The following CCDC122 variants were observed in gnomAD, a reference collection of about 807,000 sequenced individuals.
CCDC122 encodes coiled-coil domain containing 122, also known as coiled-coil domain-containing protein 122.
CCDC122 carries 38 observed loss-of-function variants against 37.0 expected under a neutral mutation model. The ratio of observed to expected loss-of-function variants is 1.03; its 90% CI spans 0.79 to 1.35. CCDC122 has a LOEUF of 1.35. CCDC122 is among the 40% of genes most tolerant of loss of function. The probability of loss-of-function intolerance (pLI) is 0.00; values close to 1 mark genes in which losing one functional copy is unlikely to be tolerated. For missense variants in CCDC122, 305 were observed against 310.0 expected (o/e 0.98, Z 0.12); for synonymous variants, 83 against 95.6 (o/e 0.87, Z 0.77).
downstream of CCDC122, among the ~76,000 whole-genome samples, chr13:43,834,181 CA>C (rs1344140243): frequency 3.3e-5 from 5 of 152,290 alleles, no homozygotes; most frequent in Non-Finnish European, 7.4e-5. Flanking sequence ...TGATCTTTGA[CA>C]AACCTGGCAA....
chr13:43,853,402 A>G lies in CCDC122; in HGVS notation c.672+5379T>C, dbSNP rs117231790. ...ATTTAAAAAGAAAAAGAAGGGCATTACATAATGGTAAAGGATTCAATTTAA... is the reference window on the plus strand; with the variant it reads ...ATTTAAAAAGAAAAAGAAGGGCATTGCATAATGGTAAAGGATTCAATTTAA... On this transcript the variant is annotated intron_variant, in intron 6 of 6. Transcript: ENST00000444614. 9.9e-3 allele frequency among the ~76,000 whole-genome samples: 1,512 copies of G among 152,368 alleles called. 7 individuals carry two copies. The highest frequency in any genetic ancestry group is 0.024 in the Middle Eastern group (7 of 294).
At chr13:43,873,167 C>T (rs772580432) in intron 2 of CCDC122, among the ~76,000 whole-genome samples, 3 of 152,060 alleles carry the variant, frequency 2.0e-5, no homozygotes, top group Non-Finnish European at 4.4e-5. Context: ...TCCTTCTTTT[C>T]TCATACTTAT....
At chr13:43,840,964 C>T (rs1953330986) in intron 6 of CCDC122, among the ~76,000 whole-genome samples, 1 of 152,176 alleles carries the variant, frequency 6.6e-6, no homozygotes, top group Non-Finnish European at 1.5e-5. Context: ...ACCACAATGA[C>T]TTCCACAATG....
intron 2 of CCDC122, among the ~76,000 whole-genome samples, chr13:43,873,319 T>C (rs1296882567): frequency 6.6e-6 from 1 of 152,202 alleles, no homozygotes; most frequent in African/African-American, 2.4e-5. Context: ...ATTTGGATTT[T>C]TAATAGGCAT....
chr13:43,869,347 T>A lies in CCDC122; in HGVS notation c.30A>T (p.Gln10His), dbSNP rs776636659. 1 of 1,608,814 alleles carries A rather than the reference T, an allele frequency of 6.2e-7. No homozygotes were observed. The highest frequency in any genetic ancestry group is 1.1e-5 in the South Asian group (1 of 90,416). The change falls in exon 3 of 7, where the codon CAA becomes CAT. Residue 10 changes from glutamine to histidine, a missense_variant. Gln to His is a conservative substitution (Grantham distance 24). Transcript: ENST00000444614. ...TTTCATTACCTTCTTTAGGAAATCC[T>A]TGACTCTTCCTTTCTTTGTTGTCTG... The part of the protein sequence containing the change: MSDNKERKS[Q>H]GFPKEDNQDT...
downstream of CCDC122, among the ~76,000 whole-genome samples, chr13:43,832,263 A>C (rs1442997246): frequency 6.8e-6 from 1 of 146,936 alleles, no homozygotes; most frequent in Non-Finnish European, 1.5e-5. Context: ...TTAGTTAATG[A>C]AAAATAAAAT....
intron 4 of CCDC122, among the ~76,000 whole-genome samples, chr13:43,863,195 A>G (rs1481153761): frequency 6.6e-6 from 1 of 152,066 alleles, no homozygotes; most frequent in Non-Finnish European, 1.5e-5. Context: ...CCATCTCTCC[A>G]TTCCTAGGAA....
chr13:43,825,651 T>A (rs969249853), intron 3 of CCDC122, among the ~76,000 whole-genome samples: 1 of 151,718 alleles, frequency 6.6e-6, no homozygotes, highest in East Asian at 1.9e-4. Flanking sequence ...GCGCTTGTAG[T>A]CCCAGCTACT....
intron 3 of CCDC122, among the ~76,000 whole-genome samples, chr13:43,826,120 T>G (rs566469006): frequency 6.6e-6 from 1 of 152,226 alleles, no homozygotes; most frequent in African/African-American, 2.4e-5. Flanking sequence ...ACTCTTTCGA[T>G]GAATTTATAC....
At chr13:43,869,217 A>T in intron 3 of CCDC122, 114 bp downstream of exon 3, 1 of 785,376 alleles carries the variant, frequency 1.3e-6, no homozygotes, top group Non-Finnish European at 2.1e-6. Flanking sequence ...AGCTAAATGT[A>T]ACTGCTTCCA....
intron 3 of CCDC122, among the ~76,000 whole-genome samples, chr13:43,829,936 C>T (rs569338551): frequency 6.6e-6 from 1 of 152,118 alleles, no homozygotes; most frequent in South Asian, 2.1e-4. Flanking sequence ...AATGCAGTGG[C>T]GTGATCTCAG....
intron 2 of CCDC122, 98 bp from the exon 3 acceptor site, chr13:43,869,587 A>T (rs17065161): frequency 0.19 from 92,907 of 493,214 alleles, 9,194 homozygotes; most frequent in Middle Eastern, 0.27. Context: ...GTGATTTTGG[A>T]ATGAAAGTAG....
intron 6 of CCDC122, among the ~76,000 whole-genome samples, chr13:43,849,731 C>T (rs1477839241): frequency 6.6e-6 from 1 of 152,212 alleles, no homozygotes. Flanking sequence ...GCCCCTCCAA[C>T]ACTCATGCCA....
chr13:43,852,044 G>A (rs1048634713), intron 6 of CCDC122, among the ~76,000 whole-genome samples: 7 of 151,926 alleles, frequency 4.6e-5, no homozygotes, highest in African/African-American at 1.7e-4. Flanking sequence ...GGAAGAACCA[G>A]CACAAAAACC....
At chr13:43,822,734 T>C (rs1953003910), downstream of CCDC122, among the ~76,000 whole-genome samples, 1 of 152,106 alleles carries the variant, frequency 6.6e-6, no homozygotes, top group South Asian at 2.1e-4. Flanking sequence ...CACCAGCCCA[T>C]GGTGGGGTTC....
chr13:43,837,010 ATTTTAC>A lies in CCDC122; in HGVS notation c.*264_*269del. 2.9e-6 allele frequency: 1 copy of A among 340,764 alleles called. No homozygotes were observed. Among genetic ancestry groups the A allele is most frequent in the South Asian group, 6.8e-5 (1 of 14,618 alleles). The allele number at this position is 340,764 out of a possible 1,614,324, so 21.1% of individuals were successfully genotyped here. ...AAACAGGTATTCATGAGTATAATAC[ATTTTAC>A]ACACTCCAAATAGTCACAGAGACTC... On this transcript the variant is annotated 3_prime_UTR_variant, in exon 7 of 7. Coordinates refer to ENST00000444614, the MANE Select transcript of CCDC122 (RefSeq NM_144974.5).
At chr13:43,826,001 A>C (rs1257788206) in intron 3 of CCDC122, among the ~76,000 whole-genome samples, 1 of 152,226 alleles carries the variant, frequency 6.6e-6, no homozygotes, top group East Asian at 1.9e-4. Context: ...CTTGGTCTGG[A>C]CATGGGCTAA....
downstream of CCDC122, among the ~76,000 whole-genome samples, chr13:43,820,808 T>G (rs541509408): frequency 1.1e-3 from 172 of 152,358 alleles, 1 homozygote; most frequent in Admixed American, 2.8e-3. Context: ...TGTGATCCAC[T>G]TTATAGTGTT....
intron 6 of CCDC122, among the ~76,000 whole-genome samples, chr13:43,849,915 G>A (rs1039701332): frequency 2.0e-5 from 3 of 152,138 alleles, no homozygotes; most frequent in African/African-American, 7.2e-5. Context: ...CTGTGGTGTC[G>A]CTGGAGCCCA....
Sources: gnomAD v4.1 joint callset for allele counts (sites outside exome capture counted in the v4.1 genomes callset) on GRCh38, gnomAD v4.1.1 for gene constraint, MANE v1.5 for transcripts, NCBI Gene and HGNC (gene_info 2026-07-23, HGNC 2026-07-21) for gene names.